Variants in CSPP1 observed in about 807,000 individuals in gnomAD.
CSPP1 encodes the protein centrosome and spindle pole associated protein 1.
CSPP1 carries 126 observed loss-of-function variants against 164.4 expected under a neutral mutation model. That is an observed-to-expected ratio of 0.77 (90% CI 0.66 to 0.89). The LOEUF is 0.89. Ranked by LOEUF, CSPP1 falls within the 40% of genes least tolerant of loss-of-function variation. The probability of loss-of-function intolerance (pLI) is 0.00; values close to 1 mark genes in which losing one functional copy is unlikely to be tolerated. For missense variants in CSPP1, 1,395 were observed against 1,449.8 expected (o/e 0.96, Z 0.61); for synonymous variants, 472 against 476.7 (o/e 0.99, Z 0.13).
chr8:67,074,717 G>A, intron 2 of CSPP1: 3 of 234,698 alleles, frequency 1.3e-5, no homozygotes, highest in Non-Finnish European at 2.6e-5. Flanking sequence ...TTTGAAATCT[G>A]AAAAAGTGAA....
At chr8:67,124,736 C>T (rs1258895855) in intron 15 of CSPP1, among the ~76,000 whole-genome samples, 1 of 152,162 alleles carries the variant, frequency 6.6e-6, no homozygotes, top group Admixed American at 6.5e-5. Flanking sequence ...GGCTGGAGTG[C>T]AGTGGTATGA....
rs1816992824 is a variant in CSPP1, at chr8:67,112,199, A to C, written c.1187+134A>C. 4 of 470,526 alleles carry C rather than the reference A, an allele frequency of 8.5e-6. No individual in the cohort carries two copies. In the South Asian group the frequency reaches 1.5e-4, roughly 17 times the overall value. The allele number at this position is 470,526 out of a possible 1,614,324, so 29.1% of individuals were successfully genotyped here. A position where few individuals can be genotyped will look rare whatever the true frequency, so the allele number is the denominator to read the frequency against. ...AAATCACTTATATTTTCATCTCTAC[A>C]TGCTAAATCAACAAGGAAAATAAAT... On this transcript the variant is annotated intron_variant, in intron 10 of 30. Transcript: ENST00000678616.
At chr8:67,167,756 G>T (rs868797295) in intron 24 of CSPP1, among the ~76,000 whole-genome samples, 7 of 147,960 alleles carry the variant, frequency 4.7e-5, no homozygotes, top group African/African-American at 1.7e-4. Flanking sequence ...GGGCAGAGAC[G>T]CTCCTCACTT....
intron 4 of CSPP1, among the ~76,000 whole-genome samples, chr8:67,090,541 C>T (rs552659988): frequency 6.6e-6 from 1 of 152,270 alleles, no homozygotes; most frequent in African/African-American, 2.4e-5. Context: ...GCCTCAACCT[C>T]CCAACCTGCT....
intron 7 of CSPP1, among the ~76,000 whole-genome samples, chr8:67,099,852 C>A (rs1332365976): frequency 6.6e-6 from 1 of 152,144 alleles, no homozygotes; most frequent in Middle Eastern, 3.4e-3. Flanking sequence ...GGCTAACTTA[C>A]CAAACTATAG....
At chr8:67,178,426 C>T (rs1053468295) in intron 27 of CSPP1, among the ~76,000 whole-genome samples, 6 of 152,146 alleles carry the variant, frequency 3.9e-5, no homozygotes, top group African/African-American at 1.2e-4. Flanking sequence ...TTCTAGGTGC[C>T]GGGGTATAGG....
intron 9 of CSPP1, among the ~76,000 whole-genome samples, chr8:67,109,624 A>G (rs1283455291): frequency 6.6e-6 from 1 of 152,082 alleles, no homozygotes; most frequent in Non-Finnish European, 1.5e-5. Flanking sequence ...TTTGCCTACC[A>G]TTGTCGCATT....
At chr8:67,110,039 A>G (rs1816519701) in intron 9 of CSPP1, among the ~76,000 whole-genome samples, 1 of 151,836 alleles carries the variant, frequency 6.6e-6, no homozygotes, top group Non-Finnish European at 1.5e-5. Context: ...CCCCATCCCC[A>G]TGCAAGTTCC....
At chr8:67,065,173 G>C (rs1412968566) in intron 1 of CSPP1, among the ~76,000 whole-genome samples, 1 of 152,168 alleles carries the variant, frequency 6.6e-6, no homozygotes, top group African/African-American at 2.4e-5. Flanking sequence ...GTAGCTCGTA[G>C]CTCGTACTGT....
In CSPP1 at chr8:67,081,584, A is replaced by G. The variant is rs139483112; in HGVS notation, c.200-4423A>G. On this transcript the variant is annotated intron_variant, in intron 3 of 30. Coordinates refer to ENST00000678616, the MANE Select transcript of CSPP1 (RefSeq NM_001382391.1). Reference sequence around the variant, plus strand: ...GTTTGTGTTTATTTCATTAAAAGAAATTCTTACTAACTTATTATTGTTTAA... The same window carrying G: ...GTTTGTGTTTATTTCATTAAAAGAAGTTCTTACTAACTTATTATTGTTTAA... Among the ~76,000 whole-genome samples, 861 of 152,340 alleles carry G rather than the reference A, an allele frequency of 5.7e-3. 30 individuals carry two copies. Among genetic ancestry groups the G allele is most frequent in the Non-Finnish European group, 1.0e-3 (69 of 68,032 alleles).
chr8:67,178,713 G>C (rs1351736992), intron 27 of CSPP1, among the ~76,000 whole-genome samples: 1 of 152,142 alleles, frequency 6.6e-6, no homozygotes, highest in Non-Finnish European at 1.5e-5. Context: ...ATTCCAGGAA[G>C]AGGCCCCAGT....
At chr8:67,175,476 G>A (rs754127361) in intron 26 of CSPP1, 40 bp downstream of exon 26, 70 of 1,610,438 alleles carry the variant, frequency 4.3e-5, no homozygotes, top group Non-Finnish European at 5.3e-5. Context: ...GTATCAGCAC[G>A]CTGTTTTTCC....
chr8:67,187,225 A>C (rs1359903529), intron 28 of CSPP1, among the ~76,000 whole-genome samples: 1 of 152,254 alleles, frequency 6.6e-6, no homozygotes, highest in Admixed American at 6.5e-5. Context: ...CTGATTCTAA[A>C]GTTCATTTGG....
chr8:67,092,540 C>T (rs748417392), intron 5 of CSPP1, among the ~76,000 whole-genome samples: 1 of 152,096 alleles, frequency 6.6e-6, no homozygotes. Flanking sequence ...CCAGTTCAAG[C>T]GATTCTCCTG....
Position 67,076,593 on chromosome 8 carries a change from G to C in CSPP1, c.199+12G>C, listed in dbSNP as rs1370218430. On this transcript the variant is annotated intron_variant, in intron 3 of 30. Coordinates refer to ENST00000678616, the MANE Select transcript of CSPP1 (RefSeq NM_001382391.1). Reference sequence around the variant, plus strand: ...CAGGGGTTCCTTAGGTATGTCATTAGATGTGCTAAACTTATTTTAAGATAT... The same window carrying C: ...CAGGGGTTCCTTAGGTATGTCATTACATGTGCTAAACTTATTTTAAGATAT... 1 of 1,466,446 alleles carries C rather than the reference G, an allele frequency of 6.8e-7. No homozygotes were observed. The highest frequency in any genetic ancestry group is 2.0e-5 in the Admixed American group (1 of 50,294). 90.8% of individuals were successfully genotyped at this position (1,466,446 alleles called of 1,614,324 possible). A position where few individuals can be genotyped will look rare whatever the true frequency, so the allele number is the denominator to read the frequency against.
chr8:67,072,327 TACAA>T (rs2129540821), intron 1 of CSPP1, among the ~76,000 whole-genome samples: 1 of 151,670 alleles, frequency 6.6e-6, no homozygotes, highest in African/African-American at 2.4e-5. Context: ...ACACAAAAAG[TACAA>T]ACAAATTTAA....
intron 17 of CSPP1, among the ~76,000 whole-genome samples, chr8:67,149,227 ATTTCT>A (rs1825216620): frequency 6.6e-6 from 1 of 152,152 alleles, no homozygotes; most frequent in South Asian, 2.1e-4. Flanking sequence ...GGTGGAAATA[ATTTCT>A]TTTATGAGGT....
chr8:67,108,648 C>T lies in CSPP1; in HGVS notation c.1093+2673C>T, dbSNP rs1452941244. ...ATCTCTCCCTCCACACTTTCCCCTT[C>T]TCCGCAGTATATTGCTGTTGATTGT... is the stretch of plus-strand genomic sequence containing the variant. On this transcript the variant is annotated intron_variant, in intron 9 of 30. Transcript: ENST00000678616. Among the ~76,000 whole-genome samples, 6 of 152,304 alleles carry T rather than the reference C, an allele frequency of 3.9e-5. No individual in the cohort carries two copies. The East Asian group carries it at 1.2e-3, about 29-fold the overall frequency.
At chr8:67,177,399 GGATCCTGCATT>G (rs1395086885) in intron 26 of CSPP1, among the ~76,000 whole-genome samples, 1 of 152,168 alleles carries the variant, frequency 6.6e-6, no homozygotes, top group Non-Finnish European at 1.5e-5. Context: ...AGATGGTGAA[GGATCCTGCATT>G]GATCATTTTC....
Sources: allele counts gnomAD v4.1 joint callset (sites outside exome capture counted in the v4.1 genomes callset), GRCh38; gene constraint gnomAD v4.1.1; transcripts MANE v1.5; gene names NCBI Gene and HGNC (gene_info 2026-07-23, HGNC 2026-07-21).